Variants in CNTNAP2 observed in about 807,000 individuals in gnomAD.
CNTNAP2 encodes contactin associated protein 2.
A neutral mutation model predicts 155.2 loss-of-function variants in CNTNAP2; 98 were observed. The observed-to-expected ratio is 0.63, with a 90% CI of 0.54 to 0.75. The LOEUF is 0.75. Ranked by LOEUF, CNTNAP2 falls within the 30% of genes least tolerant of loss-of-function variation. The pLI is 0.00. For synonymous variants in CNTNAP2, 651 were observed against 631.2 expected (o/e 1.03, Z -0.47); for missense variants, 1,727 against 1,688.1 (o/e 1.02, Z -0.40).
At chr7:146,346,183 G>C (rs938013804) in intron 1 of CNTNAP2, among the ~76,000 whole-genome samples, 3 of 152,162 alleles carry the variant, frequency 2.0e-5, no homozygotes, top group Non-Finnish European at 4.4e-5. Flanking sequence ...ACCTGTAGTG[G>C]CCTGTTAGGA....
At chr7:147,802,225 G>A (rs1296249527) in intron 13 of CNTNAP2, among the ~76,000 whole-genome samples, 6 of 149,460 alleles carry the variant, frequency 4.0e-5, no homozygotes, top group Admixed American at 6.7e-5. Flanking sequence ...ATGGGCGGCC[G>A]GGAAGAGACG....
At chr7:146,946,017 G>A (rs1797162914) in intron 3 of CNTNAP2, among the ~76,000 whole-genome samples, 1 of 152,036 alleles carries the variant, frequency 6.6e-6, no homozygotes, top group South Asian at 2.1e-4. Context: ...GACCTTTGGT[G>A]GGTTTTCTAC....
chr7:147,464,503 G>T (rs372297398), intron 10 of CNTNAP2, among the ~76,000 whole-genome samples: 1 of 148,182 alleles, frequency 6.7e-6, no homozygotes, highest in African/African-American at 2.5e-5. Context: ...GCGTGTTTGT[G>T]CCCAAGTCCT....
At chr7:147,389,385 A>G (rs954907016) in intron 9 of CNTNAP2, among the ~76,000 whole-genome samples, 47 of 152,156 alleles carry the variant, frequency 3.1e-4, no homozygotes, top group African/African-American at 6.0e-4. Flanking sequence ...AAACATGTCA[A>G]TTTTTCAACC....
At chr7:147,220,313 TG>T (rs1803366381) in intron 8 of CNTNAP2, among the ~76,000 whole-genome samples, 1 of 152,212 alleles carries the variant, frequency 6.6e-6, no homozygotes, top group Non-Finnish European at 1.5e-5. Flanking sequence ...TTTTGATTAG[TG>T]TTAACAAGGT....
intron 1 of CNTNAP2, among the ~76,000 whole-genome samples, chr7:146,546,591 A>C: frequency 6.6e-6 from 1 of 151,506 alleles, no homozygotes; most frequent in South Asian, 2.1e-4. Context: ...AGAAATTATC[A>C]TAACAGGTTG....
At chr7:146,401,810 G>T (rs1160407171) in intron 1 of CNTNAP2, among the ~76,000 whole-genome samples, 1 of 152,094 alleles carries the variant, frequency 6.6e-6, no homozygotes, top group African/African-American at 2.4e-5. Context: ...TAATTTATTA[G>T]CTATTTTTCT....
intron 20 of CNTNAP2, among the ~76,000 whole-genome samples, chr7:148,258,135 C>T (rs1432223323): frequency 3.9e-5 from 6 of 152,328 alleles, no homozygotes; most frequent in Admixed American, 1.3e-4. Flanking sequence ...GTGTTAGCCA[C>T]GGAGCTCTGA....
intron 13 of CNTNAP2, among the ~76,000 whole-genome samples, chr7:147,797,465 T>G (rs866363292): frequency 5.3e-5 from 8 of 152,310 alleles, no homozygotes; most frequent in African/African-American, 1.9e-4. Flanking sequence ...ACCCTACGTT[T>G]GAGGGTTTTT....
At chr7:147,223,409 G>T (rs1803450175) in intron 8 of CNTNAP2, among the ~76,000 whole-genome samples, 1 of 152,088 alleles carries the variant, frequency 6.6e-6, no homozygotes, top group African/African-American at 2.4e-5. Context: ...GTCCCCCAAG[G>T]TTCAGGAAAG....
chr7:146,204,488 T>TAG (rs1798916423), intron 1 of CNTNAP2, among the ~76,000 whole-genome samples: 1 of 152,120 alleles, frequency 6.6e-6, no homozygotes, highest in South Asian at 2.1e-4. Context: ...CTGAAGTAGA[T>TAG]ATTTACATGC....
chr7:148,157,808 C>T (rs1410602406), intron 17 of CNTNAP2, among the ~76,000 whole-genome samples: 1 of 152,132 alleles, frequency 6.6e-6, no homozygotes, highest in Non-Finnish European at 1.5e-5. Context: ...AATTAGAAAC[C>T]ATTGCCATAC....
intron 1 of CNTNAP2, among the ~76,000 whole-genome samples, chr7:146,591,169 A>T (rs1295986177): frequency 6.6e-6 from 1 of 152,194 alleles, no homozygotes; most frequent in Non-Finnish European, 1.5e-5. Flanking sequence ...CTGTGTGTAT[A>T]TGGTATATAT....
intron 13 of CNTNAP2, among the ~76,000 whole-genome samples, chr7:147,765,903 A>G (rs1797375359): frequency 2.0e-5 from 3 of 152,238 alleles, no homozygotes; most frequent in African/African-American, 7.2e-5. Context: ...GGAGGAAAGA[A>G]CAAACTGCTG....
At chr7:146,758,322 G>A (rs1802027407) in intron 1 of CNTNAP2, among the ~76,000 whole-genome samples, 1 of 152,100 alleles carries the variant, frequency 6.6e-6, no homozygotes, top group African/African-American at 2.4e-5. Context: ...TCTCTAGATT[G>A]TAGTGCTTCT....
chr7:147,642,311 C>A (rs972600065), intron 13 of CNTNAP2, among the ~76,000 whole-genome samples: 11 of 152,074 alleles, frequency 7.2e-5, no homozygotes, highest in Non-Finnish European at 1.5e-5. Flanking sequence ...CCAAAGTCAG[C>A]TTTCAGTTTT....
chr7:148,277,791 A>C (rs927338763), intron 21 of CNTNAP2, among the ~76,000 whole-genome samples: 2 of 146,716 alleles, frequency 1.4e-5, no homozygotes, highest in Admixed American at 6.9e-5. Flanking sequence ...AAGAAAGAAA[A>C]AAGAAAAAAA....
intron 1 of CNTNAP2, among the ~76,000 whole-genome samples, chr7:146,239,979 A>AT (rs571565367): frequency 6.6e-6 from 1 of 152,172 alleles, no homozygotes; most frequent in Non-Finnish European, 1.5e-5. Flanking sequence ...TTTATAATTT[A>AT]TTTTTTCATT....
chr7:147,969,928 ATTTTATTTATTTTATTTTATTTTT>A (rs1453267849), intron 14 of CNTNAP2, among the ~76,000 whole-genome samples: 8 of 150,848 alleles, frequency 5.3e-5, no homozygotes, highest in African/African-American at 1.9e-4. Flanking sequence ...ATTTTATTTT[ATTTTATTTATTTTATTTTATTTTT>A]GAGACAGGGT....
Sources: gnomAD v4.1 joint callset for allele counts (sites outside exome capture counted in the v4.1 genomes callset) on GRCh38, gnomAD v4.1.1 for gene constraint, MANE v1.5 for transcripts, NCBI Gene and HGNC (gene_info 2026-07-23, HGNC 2026-07-21) for gene names.